Variants in PPIP5K2 observed in about 807,000 individuals in gnomAD.
The protein encoded by PPIP5K2 is inositol hexakisphosphate and diphosphoinositol-pentakisphosphate kinase 2.
Under a neutral mutation model 154.6 loss-of-function variants are expected in PPIP5K2, and 105 were observed. The observed-to-expected ratio is 0.68, with a 90% CI of 0.58 to 0.80. PPIP5K2 has a LOEUF of 0.80. Ranked by LOEUF, PPIP5K2 falls within the 30% of genes least tolerant of loss-of-function variation. The pLI is 0.00. For synonymous variants in PPIP5K2, 480 were observed against 490.3 expected (o/e 0.98, Z 0.28); for missense variants, 992 against 1,504.6 (o/e 0.66, Z 5.64).
chr5:103,171,997 C>T (rs1158039225), intron 19 of PPIP5K2, among the ~76,000 whole-genome samples: 1 of 151,620 alleles, frequency 6.6e-6, no homozygotes, highest in Non-Finnish European at 1.5e-5. Flanking sequence ...TTGTTTCACT[C>T]TCTTTACACA....
At chr5:103,136,483 C>G (rs1480253651) in intron 3 of PPIP5K2, among the ~76,000 whole-genome samples, 1 of 152,176 alleles carries the variant, frequency 6.6e-6, no homozygotes, top group East Asian at 1.9e-4. Flanking sequence ...CAGACCTTCA[C>G]TCACATGTCA....
intron 1 of PPIP5K2, among the ~76,000 whole-genome samples, chr5:103,124,214 A>G (rs1163218145): frequency 6.8e-6 from 1 of 147,658 alleles, no homozygotes; most frequent in Non-Finnish European, 1.5e-5. Flanking sequence ...CGGGAGGAGG[A>G]GCTTGTAGTG....
chr5:103,159,335 C>T lies in PPIP5K2; in HGVS notation c.1920+7C>T. 1 of 1,594,112 alleles carries T rather than the reference C, an allele frequency of 6.3e-7. No individual in the cohort carries two copies. The highest frequency in any genetic ancestry group is 8.6e-7 in the Non-Finnish European group (1 of 1,169,470). ...TGCTGAAGATTATGAAAAGGTGGGTCTTAGCAAACTCTTATATTGTGAAAT... is the reference window on the plus strand; with the variant it reads ...TGCTGAAGATTATGAAAAGGTGGGTTTTAGCAAACTCTTATATTGTGAAAT... On this transcript the variant is annotated splice_region_variant and intron_variant, in intron 17 of 30. Coordinates refer to ENST00000358359, the MANE Select transcript of PPIP5K2 (RefSeq NM_001276277.3).
intron 26 of PPIP5K2, 132 bp from the exon 27 acceptor site, chr5:103,186,188 G>A: frequency 1.9e-6 from 2 of 1,039,640 alleles, no homozygotes; most frequent in Non-Finnish European, 1.4e-6. Flanking sequence ...CAAGAATATT[G>A]TGAGCCTGTT....
chr5:103,124,621 G>T (rs1417237893), intron 1 of PPIP5K2, among the ~76,000 whole-genome samples: 2 of 152,118 alleles, frequency 1.3e-5, no homozygotes, highest in Non-Finnish European at 2.9e-5. Context: ...TTCCAGGATG[G>T]CTGTGAGATT....
In PPIP5K2 at chr5:103,201,629, A is replaced by G; in HGVS notation, c.3727A>G (p.Lys1243Glu). 2 of 1,586,602 alleles carry G rather than the reference A, an allele frequency of 1.3e-6. No homozygotes were observed. The highest frequency in any genetic ancestry group is 1.7e-6 in the Non-Finnish European group (2 of 1,160,900). Reference sequence around the variant, plus strand: ...ACACAAAAAAAACACTGGGAAAAAGAAATGAAATCTTAGCAGAAGCTGGAA... The same window carrying G: ...ACACAAAAAAAACACTGGGAAAAAGGAATGAAATCTTAGCAGAAGCTGGAA... ...HEHKKNTGKK[K>E] The change falls in exon 31 of 31, where the codon AAA becomes GAA. Residue 1243 changes from lysine to glutamate, a missense_variant. Lys to Glu is a moderately conservative substitution (Grantham distance 56). Coordinates refer to ENST00000358359, the MANE Select transcript of PPIP5K2 (RefSeq NM_001276277.3).
At chr5:103,167,792 T>C (rs1034883617) in intron 18 of PPIP5K2, among the ~76,000 whole-genome samples, 1 of 151,904 alleles carries the variant, frequency 6.6e-6, no homozygotes, top group Non-Finnish European at 1.5e-5. Flanking sequence ...GTATTGAAAA[T>C]TGAAAATATA....
chr5:103,193,777 C>T (rs1385645806), intron 29 of PPIP5K2, among the ~76,000 whole-genome samples: 1 of 152,146 alleles, frequency 6.6e-6, no homozygotes, highest in Non-Finnish European at 1.5e-5. Flanking sequence ...TAGCCCACAT[C>T]TTGGTTTTCA....
chr5:103,173,373 GA>G, intron 20 of PPIP5K2, 91 bp downstream of exon 20: 1 of 1,375,838 alleles, frequency 7.3e-7, no homozygotes, highest in Non-Finnish European at 9.9e-7. Context: ...TATGAAGTCA[GA>G]AGTGTGTCAT....
At position 103,180,012 on chromosome 5, in the gene PPIP5K2, T is replaced by C. The variant is rs1554222054; in HGVS notation, c.2755-9T>C. The C allele has an allele frequency of 1.3e-6, 2 of 1,513,494 alleles. No individual in the cohort carries two copies. The highest frequency in any genetic ancestry group is 1.8e-6 in the Non-Finnish European group (2 of 1,132,632). 93.8% of individuals were successfully genotyped at this position (1,513,494 alleles called of 1,614,324 possible). A position where few individuals can be genotyped will look rare whatever the true frequency, so the allele number is the denominator to read the frequency against. On this transcript the variant is annotated splice_polypyrimidine_tract_variant and intron_variant, in intron 23 of 30. Coordinates refer to ENST00000358359, the MANE Select transcript of PPIP5K2 (RefSeq NM_001276277.3). ...AATAGTAAAAGTGTTTTATATTCTT[T>C]GCTCACAGAATGAAGGCAGGAGACC...
At position 103,173,250 on chromosome 5, in the gene PPIP5K2, A is replaced by G. The variant is rs1798228184; in HGVS notation, c.2382A>G (p.Gln794=). Residue 794 remains glutamine, a synonymous_variant, in exon 20 of 31, where the codon CAA becomes CAG. Coordinates refer to ENST00000358359, the MANE Select transcript of PPIP5K2 (RefSeq NM_001276277.3). ...RKIRSDLQRT[Q]DDDTVNKLHP... ...TTCGCTCAGACCTTCAGAGGACACA[A>G]GATGATGACACTGTAAATAAACTTC... 2.5e-6 allele frequency: 4 copies of G among 1,611,744 alleles called. No individual in the cohort carries two copies. Among genetic ancestry groups the G allele is most frequent in the Non-Finnish European group, 3.4e-6 (4 of 1,178,458 alleles).
At position 103,153,946 on chromosome 5, in the gene PPIP5K2, G is replaced by A; in HGVS notation, c.1217+12G>A. 6.4e-7 allele frequency: 1 copy of A among 1,561,530 alleles called. No individual in the cohort carries two copies. ...GTGAGACATCAGAAGTATGTTTTCA[G>A]ATGAATAATTTAACATGCATGATAC... On this transcript the variant is annotated intron_variant, in intron 11 of 30. Coordinates refer to ENST00000358359, the MANE Select transcript of PPIP5K2 (RefSeq NM_001276277.3).
intron 5 of PPIP5K2, among the ~76,000 whole-genome samples, chr5:103,140,654 G>A (rs1194991103): frequency 1.3e-5 from 2 of 150,086 alleles, no homozygotes; most frequent in Non-Finnish European, 3.0e-5. Flanking sequence ...TCGAGACCAC[G>A]GTGAAACCCC....
In PPIP5K2 at chr5:103,207,486, C is replaced by A. The variant is rs1213775330; in HGVS notation, c.*5852C>A. On this transcript the variant is annotated 3_prime_UTR_variant, in exon 31 of 31. Transcript: ENST00000358359. ...CAATGTATGCTGTATACTACACTTGCATTATGTTATTCACATTTGCTATAG... is the reference window on the plus strand; with the variant it reads ...CAATGTATGCTGTATACTACACTTGAATTATGTTATTCACATTTGCTATAG... 6.6e-6 allele frequency: 1 copy of A among 152,036 alleles called. No homozygotes were observed. The highest frequency in any genetic ancestry group is 1.5e-5 in the Non-Finnish European group (1 of 67,992). 9.4% of individuals were successfully genotyped at this position (152,036 alleles called of 1,614,324 possible). A position where few individuals can be genotyped will look rare whatever the true frequency, so the allele number is the denominator to read the frequency against.
chr5:103,197,086 G>A (rs1489676122), intron 30 of PPIP5K2, among the ~76,000 whole-genome samples: 1 of 152,108 alleles, frequency 6.6e-6, no homozygotes, highest in Non-Finnish European at 1.5e-5. Flanking sequence ...TGATTTTGAA[G>A]AAATTTGCAT....
intron 28 of PPIP5K2, chr5:103,189,298 G>A (rs1446252692): frequency 1.1e-5 from 13 of 1,194,224 alleles, no homozygotes; most frequent in Non-Finnish European, 1.5e-5. Flanking sequence ...CTTTCATTGT[G>A]CATTAAAGGA....
intron 5 of PPIP5K2, among the ~76,000 whole-genome samples, chr5:103,146,259 A>G (rs1554209100): frequency 6.6e-6 from 1 of 152,036 alleles, no homozygotes; most frequent in Non-Finnish European, 1.5e-5. Flanking sequence ...TTGATATAAT[A>G]ATTTCACATC....
At position 103,212,741 on chromosome 5, in the gene PPIP5K2, A is replaced by T. The variant is rs952762809; in HGVS notation, c.*11107A>T. 1 of 151,950 alleles carries T rather than the reference A, an allele frequency of 6.6e-6. No individual in the cohort carries two copies. Among genetic ancestry groups the T allele is most frequent in the East Asian group, 1.9e-4 (1 of 5,194 alleles). The allele number at this position is 151,950 out of a possible 1,614,324, so 9.4% of individuals were successfully genotyped here. A position where few individuals can be genotyped will look rare whatever the true frequency, so the allele number is the denominator to read the frequency against. ...TTAAGCTACTATTGTAAAGTTAAAA[A>T]TTTTTTCAGTCATCTGTAATCTCAT... On this transcript the variant is annotated 3_prime_UTR_variant, in exon 31 of 31. Transcript: ENST00000358359.
chr5:103,189,083 C>G (rs1800827952), intron 28 of PPIP5K2: 2 of 1,022,764 alleles, frequency 2.0e-6, no homozygotes, highest in Non-Finnish European at 2.9e-6. Context: ...GGACTTACCC[C>G]TCCCTTCATC....
Sources: gnomAD v4.1 joint callset for allele counts (sites outside exome capture counted in the v4.1 genomes callset) on GRCh38, gnomAD v4.1.1 for gene constraint, MANE v1.5 for transcripts, NCBI Gene and HGNC (gene_info 2026-07-23, HGNC 2026-07-21) for gene names.